The following SH3PXD2A variants were observed in gnomAD, a reference collection of about 807,000 sequenced individuals.
SH3PXD2A encodes the protein SH3 and PX domains 2A.
Under a neutral mutation model 115.2 loss-of-function variants are expected in SH3PXD2A, and 32 were observed. The observed-to-expected ratio is 0.28, with a 90% CI of 0.21 to 0.37. The LOEUF (loss-of-function observed/expected upper bound fraction) is 0.37. Among genes scored for constraint, SH3PXD2A ranks in the 10% least tolerant of loss-of-function variants. SH3PXD2A has a pLI of 1.00. For missense variants in SH3PXD2A, 1,328 were observed against 1,498.7 expected, an observed-to-expected ratio of 0.89 and a Z score of 1.88; for synonymous variants, 610 against 629.1, an observed-to-expected ratio of 0.97 and a Z score of 0.45.
chr10:103,657,779 T>C (rs2037232463), intron 8 of SH3PXD2A, among the ~76,000 whole-genome samples: 1 of 152,188 alleles, frequency 6.6e-6, no homozygotes, highest in South Asian at 2.1e-4. Context: ...ATGAACAACA[T>C]GAATTCCCAT....
intron 2 of SH3PXD2A, among the ~76,000 whole-genome samples, chr10:103,792,722 C>T (rs2039046981): frequency 6.6e-6 from 1 of 152,174 alleles, no homozygotes; most frequent in South Asian, 2.1e-4. Context: ...CCCAGCAACA[C>T]ACAACTCTGA....
intron 3 of SH3PXD2A, among the ~76,000 whole-genome samples, chr10:103,766,134 C>A (rs752638851): frequency 1.3e-5 from 2 of 152,248 alleles, no homozygotes; most frequent in Non-Finnish European, 2.9e-5. Context: ...GGTGCCCCTA[C>A]ATCCGTTTTC....
chr10:103,646,647 A>C (rs1259920493), intron 8 of SH3PXD2A, among the ~76,000 whole-genome samples: 1 of 152,206 alleles, frequency 6.6e-6, no homozygotes, highest in East Asian at 1.9e-4. Flanking sequence ...GGGCAACTGT[A>C]TGTGTCCCCT....
chr10:103,819,588 G>A (rs2039357229), intron 1 of SH3PXD2A, among the ~76,000 whole-genome samples: 1 of 152,062 alleles, frequency 6.6e-6, no homozygotes, highest in Non-Finnish European at 1.5e-5. Context: ...AGGGCAAGGG[G>A]GCGAAGAAGC....
At chr10:103,618,240 GTTTC>G (rs2036549730) in intron 10 of SH3PXD2A, among the ~76,000 whole-genome samples, 1 of 152,202 alleles carries the variant, frequency 6.6e-6, no homozygotes, top group South Asian at 2.1e-4. Context: ...GCCTCCCCTG[GTTTC>G]TTTCAGCCTC....
chr10:103,713,056 G>A (rs1589425029), intron 5 of SH3PXD2A, among the ~76,000 whole-genome samples: 1 of 152,318 alleles, frequency 6.6e-6, no homozygotes, highest in East Asian at 1.9e-4. Flanking sequence ...GCATCAGCCA[G>A]ACGCTGGGAG....
At chr10:103,658,094 T>C (rs2037237616) in intron 8 of SH3PXD2A, among the ~76,000 whole-genome samples, 1 of 152,258 alleles carries the variant, frequency 6.6e-6, no homozygotes, top group Admixed American at 6.5e-5. Flanking sequence ...ATGATGTATG[T>C]GAAGCATGTG....
intron 3 of SH3PXD2A, among the ~76,000 whole-genome samples, chr10:103,759,713 G>A (rs1299340721): frequency 6.6e-6 from 1 of 152,202 alleles, no homozygotes; most frequent in African/African-American, 2.4e-5. Flanking sequence ...GCAAACTCGG[G>A]ATACACAGGA....
intron 5 of SH3PXD2A, among the ~76,000 whole-genome samples, chr10:103,701,448 C>T (rs1387009316): frequency 1.4e-5 from 2 of 145,850 alleles, no homozygotes; most frequent in Non-Finnish European, 3.0e-5. Flanking sequence ...TCTATCCATT[C>T]ATCCATCCAT....
At chr10:103,778,651 T>C (rs2038903718) in intron 2 of SH3PXD2A, among the ~76,000 whole-genome samples, 1 of 152,216 alleles carries the variant, frequency 6.6e-6, no homozygotes, top group Admixed American at 6.5e-5. Flanking sequence ...CCGTGAGTGC[T>C]AGATGAATGG....
chr10:103,648,241 C>T (rs2037065008), intron 8 of SH3PXD2A, among the ~76,000 whole-genome samples: 2 of 152,174 alleles, frequency 1.3e-5, no homozygotes, highest in South Asian at 2.1e-4. Flanking sequence ...ATCCCTACCC[C>T]GATACCAGTG....
At chr10:103,644,442 CG>C (rs762551401) in intron 8 of SH3PXD2A, among the ~76,000 whole-genome samples, 18 of 151,974 alleles carry the variant, frequency 1.2e-4, no homozygotes, top group Admixed American at 1.2e-3. Flanking sequence ...AAAAATTTAG[CG>C]GGGCATAGTG....
intron 7 of SH3PXD2A, among the ~76,000 whole-genome samples, chr10:103,663,630 T>C (rs755521833): frequency 1.3e-5 from 2 of 152,262 alleles, no homozygotes. Context: ...ACATCCCCCC[T>C]GTGTCCCTAT....
chr10:103,606,459 A>C (rs1476708191), intron 13 of SH3PXD2A, among the ~76,000 whole-genome samples: 1 of 84,454 alleles, frequency 1.2e-5, no homozygotes, highest in Non-Finnish European at 2.5e-5. Flanking sequence ...AAAAAAAAAA[A>C]GCTCTCCCCC....
At chr10:103,788,987 G>A (rs965217042) in intron 2 of SH3PXD2A, among the ~76,000 whole-genome samples, 18 of 152,274 alleles carry the variant, frequency 1.2e-4, no homozygotes, top group African/African-American at 4.1e-4. Flanking sequence ...GCTGATGAGG[G>A]AATCAATGCA....
chr10:103,824,609 C>T (rs535491467), intron 1 of SH3PXD2A, among the ~76,000 whole-genome samples: 9 of 152,298 alleles, frequency 5.9e-5, no homozygotes, highest in South Asian at 2.1e-4. Flanking sequence ...GCCCCTCTCC[C>T]GGCATCCCCT....
At chr10:103,693,702 A>G in intron 5 of SH3PXD2A, 1 of 152,374 alleles carries the variant, frequency 6.6e-6, no homozygotes, top group Non-Finnish European at 1.5e-5. Flanking sequence ...CTCTCACTGC[A>G]CGCCCCGAGA....
intron 8 of SH3PXD2A, among the ~76,000 whole-genome samples, chr10:103,630,784 G>T (rs1404176709): frequency 1.3e-5 from 2 of 148,508 alleles, no homozygotes; most frequent in African/African-American, 2.5e-5. Flanking sequence ...ATAAAAAGGA[G>T]ATGGAAAGTG....
intron 2 of SH3PXD2A, among the ~76,000 whole-genome samples, chr10:103,783,361 C>T (rs2038950576): frequency 6.6e-6 from 1 of 152,194 alleles, no homozygotes; most frequent in African/African-American, 2.4e-5. Context: ...GAGGCTGTCT[C>T]AGTTGCCCAG....
Sources: allele counts gnomAD v4.1 joint callset (sites outside exome capture counted in the v4.1 genomes callset), GRCh38; gene constraint gnomAD v4.1.1; transcripts MANE v1.5; gene names NCBI Gene and HGNC (gene_info 2026-07-23, HGNC 2026-07-21).